Variants in PCSK6 observed in about 807,000 individuals in gnomAD.
PCSK6 encodes proprotein convertase subtilisin/kexin type 6.
Under a neutral mutation model 123.3 loss-of-function variants are expected in PCSK6, and 85 were observed. The observed-to-expected ratio is 0.69, with a 90% CI of 0.58 to 0.83. The LOEUF (loss-of-function observed/expected upper bound fraction) is 0.83, where lower values mean the gene tolerates loss of function less well. Among genes scored for constraint, PCSK6 ranks in the 40% least tolerant of loss-of-function variants. The pLI, the probability that PCSK6 is intolerant of heterozygous loss-of-function variation, is 0.00. For missense variants in PCSK6, 1,191 were observed against 1,282.3 expected, an observed-to-expected ratio of 0.93 and a Z score of 1.09; for synonymous variants, 508 against 516.0, an observed-to-expected ratio of 0.98 and a Z score of 0.21.
intron 12 of PCSK6, among the ~76,000 whole-genome samples, chr15:101,366,801 A>G (rs555862948): frequency 1.1e-3 from 171 of 152,278 alleles, no homozygotes; most frequent in Non-Finnish European, 1.6e-3. Context: ...AGTGCTCACT[A>G]AGGACGCCTT....
At chr15:101,455,828 T>G (rs28477981) in intron 1 of PCSK6, among the ~76,000 whole-genome samples, 5,050 of 152,314 alleles carry the variant, frequency 0.033, 269 homozygotes, top group African/African-American at 0.11. Context: ...TTCACCAAAA[T>G]ACAACTGAGG....
At chr15:101,474,097 A>G (rs898263147) in intron 1 of PCSK6, among the ~76,000 whole-genome samples, 2 of 152,228 alleles carry the variant, frequency 1.3e-5, no homozygotes, top group African/African-American at 4.8e-5. Context: ...CTTTGATAGG[A>G]CAGCAATAAG....
intron 13 of PCSK6, chr15:101,337,529 T>C (rs2040508967): frequency 6.6e-6 from 1 of 152,212 alleles, no homozygotes; most frequent in African/African-American, 2.4e-5. Flanking sequence ...CACCTATAAC[T>C]CTTTTGGCAT....
intron 13 of PCSK6, among the ~76,000 whole-genome samples, chr15:101,362,299 T>C (rs1394002299): frequency 2.6e-5 from 4 of 152,130 alleles, no homozygotes; most frequent in Admixed American, 6.5e-5. Flanking sequence ...AGAGGCAGTT[T>C]GGGAGTTTGT....
intron 1 of PCSK6, among the ~76,000 whole-genome samples, chr15:101,481,585 G>T (rs1312555538): frequency 1.3e-5 from 2 of 152,096 alleles, no homozygotes; most frequent in Non-Finnish European, 2.9e-5. Context: ...AGAGGCCACA[G>T]CCTGTGCTGG....
intron 13 of PCSK6, among the ~76,000 whole-genome samples, chr15:101,335,576 C>T (rs1358566631): frequency 2.0e-5 from 3 of 152,198 alleles, no homozygotes; most frequent in African/African-American, 7.2e-5. Flanking sequence ...ATATGTTTCC[C>T]CATCCTTTTT....
At chr15:101,332,085 T>C in intron 13 of PCSK6, 54 bp from the exon 14 acceptor site, 1 of 1,498,974 alleles carries the variant, frequency 6.7e-7, no homozygotes, top group Non-Finnish European at 9.0e-7. Context: ...CCTCTGTCAC[T>C]CACAGAAATA....
At chr15:101,447,059 G>A (rs952670207) in intron 1 of PCSK6, among the ~76,000 whole-genome samples, 3 of 152,150 alleles carry the variant, frequency 2.0e-5, no homozygotes, top group Admixed American at 1.3e-4. Context: ...TGAAAGTCTC[G>A]TCGGCCCGGA....
intron 15 of PCSK6, 23 bp downstream of exon 15, chr15:101,331,628 T>C: frequency 6.2e-7 from 1 of 1,610,972 alleles, no homozygotes; most frequent in Non-Finnish European, 8.5e-7. Flanking sequence ...TGGAAAATAC[T>C]TACTGGTTTG....
chr15:101,404,373 G>C (rs749630157), intron 6 of PCSK6, among the ~76,000 whole-genome samples: 2 of 152,202 alleles, frequency 1.3e-5, no homozygotes, highest in Non-Finnish European at 2.9e-5. Flanking sequence ...AGGAGGGGTC[G>C]GGTGGACATG....
chr15:101,331,984 G>T lies in PCSK6; in HGVS notation c.1906C>A (p.Pro636Thr). The change falls in exon 14 of 22, where the codon CCG becomes ACG. Residue 636 changes from proline (P) to threonine (T), a missense_variant. This residue lies in a region of PCSK6 where 630 missense variants were observed against 631.4 expected (regional missense o/e 1.00). Coordinates refer to ENST00000611716, the MANE Select transcript of PCSK6 (RefSeq NM_002570.5). ...TGATGGGCACTGAAGGTGTGGTACG[G>T]GTGCTCTGCTGTGCCATACAGTATG... is the stretch of plus-strand genomic sequence containing the variant. Reference protein sequence around the residue: ...SLILYGTAEHPYHTFSAHQSR... With the variant: ...SLILYGTAEHTYHTFSAHQSR... The T allele has an allele frequency of 6.2e-7, 1 of 1,613,626 alleles. No homozygotes were observed. The highest frequency in any genetic ancestry group is 8.5e-7 in the Non-Finnish European group (1 of 1,179,750).
chr15:101,352,655 T>C (rs2040925577), intron 13 of PCSK6, among the ~76,000 whole-genome samples: 1 of 152,252 alleles, frequency 6.6e-6, no homozygotes, highest in African/African-American at 2.4e-5. Flanking sequence ...CCAGCACCAG[T>C]GCCAGATCAT....
At chr15:101,450,718 C>A (rs1008417524) in intron 1 of PCSK6, among the ~76,000 whole-genome samples, 2 of 152,132 alleles carry the variant, frequency 1.3e-5, no homozygotes, top group African/African-American at 4.8e-5. Context: ...GGTGAGCATG[C>A]CCCCAGTGCC....
intron 1 of PCSK6, among the ~76,000 whole-genome samples, chr15:101,463,421 C>G (rs12907726): frequency 0.74 from 112,982 of 151,668 alleles, 42,682 homozygotes; most frequent in Non-Finnish European, 0.82. Flanking sequence ...TGGGGCCAAG[C>G]GTTGCAACAA....
intron 1 of PCSK6, among the ~76,000 whole-genome samples, chr15:101,461,102 T>C (rs776975246): frequency 2.0e-5 from 3 of 152,048 alleles, no homozygotes; most frequent in Non-Finnish European, 2.9e-5. Context: ...TCTGGCAATA[T>C]AGCCAAACCC....
intron 7 of PCSK6, among the ~76,000 whole-genome samples, chr15:101,394,073 C>T (rs2042321227): frequency 6.6e-6 from 1 of 151,312 alleles, no homozygotes; most frequent in African/African-American, 2.4e-5. Flanking sequence ...TCAGGGTGGT[C>T]TGATTTATAT....
intron 18 of PCSK6, among the ~76,000 whole-genome samples, chr15:101,321,993 A>G (rs2040134873): frequency 6.6e-6 from 1 of 152,276 alleles, no homozygotes; most frequent in South Asian, 2.1e-4. Flanking sequence ...AAATATTCCA[A>G]GAACAATCAT....
intron 5 of PCSK6, 61 bp from the exon 6 acceptor site, chr15:101,428,041 C>T: frequency 7.4e-7 from 1 of 1,344,676 alleles, no homozygotes; most frequent in Non-Finnish European, 1.0e-6. Context: ...GAATTCAGTG[C>T]CTGGCTCAGT....
chr15:101,346,961 G>T, intron 13 of PCSK6: 1 of 1,231,562 alleles, frequency 8.1e-7, no homozygotes, highest in African/African-American at 1.6e-5. Flanking sequence ...TCACTGTCAC[G>T]GCCCCGTGAA....
Sources: gnomAD v4.1 joint callset for allele counts (sites outside exome capture counted in the v4.1 genomes callset) on GRCh38, gnomAD v4.1.1 for gene constraint, gnomAD v4.1.1 regional missense constraint, MANE v1.5 for transcripts, NCBI Gene and HGNC (gene_info 2026-07-23, HGNC 2026-07-21) for gene names.